TMEM132E: variants seen among roughly 807,000 people sequenced by gnomAD.
TMEM132E encodes transmembrane protein 132E.
A neutral mutation model predicts 78.5 loss-of-function variants in TMEM132E; 49 were observed. The observed-to-expected ratio is 0.62, with a 90% CI of 0.50 to 0.79. The LOEUF (loss-of-function observed/expected upper bound fraction) is 0.79, where lower values mean the gene tolerates loss of function less well. Ranked by LOEUF, TMEM132E falls within the 30% of genes least tolerant of loss-of-function variation. TMEM132E has a pLI of 0.00. For missense variants in TMEM132E, 1,403 were observed against 1,470.9 expected, an observed-to-expected ratio of 0.95 and a Z score of 0.75; for synonymous variants, 715 against 670.6, an observed-to-expected ratio of 1.07 and a Z score of -1.02.
chr17:34,622,727 G>C (rs562074647), intron 1 of TMEM132E, among the ~76,000 whole-genome samples: 14 of 152,200 alleles, frequency 9.2e-5, no homozygotes, highest in Non-Finnish European at 1.6e-4. Flanking sequence ...AATATATTGA[G>C]GGCCTGCCTG....
At chr17:34,583,505 C>T (rs772377855) in intron 1 of TMEM132E, among the ~76,000 whole-genome samples, 1 of 152,242 alleles carries the variant, frequency 6.6e-6, no homozygotes, top group African/African-American at 2.4e-5. Flanking sequence ...CTGACACCCA[C>T]GTAGCCACCC....
At chr17:34,624,497 A>T (rs560846888) in intron 1 of TMEM132E, among the ~76,000 whole-genome samples, 1 of 152,348 alleles carries the variant, frequency 6.6e-6, no homozygotes, top group South Asian at 2.1e-4. Flanking sequence ...CACATCTTGG[A>T]GGGCTTCATG....
intron 1 of TMEM132E, among the ~76,000 whole-genome samples, chr17:34,613,211 A>ACAAGCGCGCGCG: frequency 8.6e-6 from 1 of 115,856 alleles, no homozygotes; most frequent in African/African-American, 2.9e-5. Context: ...ACACACACAC[A>ACAAGCGCGCGCG]CGCGCGCGCG....
At chr17:34,612,287 G>A (rs191020176) in intron 1 of TMEM132E, among the ~76,000 whole-genome samples, 4 of 152,316 alleles carry the variant, frequency 2.6e-5, no homozygotes, top group Admixed American at 1.3e-4. Context: ...GACTCAAAGC[G>A]CAGAAAGGAA....
Position 34,637,813 on chromosome 17 carries a change from GT to G in TMEM132E, c.2807del (p.Val936GlyfsTer168). 6.2e-7 allele frequency: 1 copy of G among 1,612,404 alleles called. No homozygotes were observed. The highest frequency in any genetic ancestry group is 8.5e-7 in the Non-Finnish European group (1 of 1,179,448). ...CAGCATGGACCACTCTCACCACTGG[GT>G]GTTCCTGGGCAACGGGCAGCCGCTG... is the stretch of plus-strand genomic sequence containing the variant. ...QTSMDHSHHW[V>X]FLGNGQPLRV... On this transcript the variant is annotated frameshift_variant, in exon 9 of 9. Coordinates refer to ENST00000631683, the MANE Select transcript of TMEM132E (RefSeq NM_001304438.2). LOFTEE classifies it high-confidence loss of function.
chr17:34,581,558 C>A (rs1196203581), intron 1 of TMEM132E, among the ~76,000 whole-genome samples: 1 of 152,064 alleles, frequency 6.6e-6, no homozygotes, highest in Non-Finnish European at 1.5e-5. Flanking sequence ...TCTTTCCTCG[C>A]CCCGGGCGCG....
chr17:34,595,970 G>A (rs957526903), intron 1 of TMEM132E, among the ~76,000 whole-genome samples: 2 of 152,118 alleles, frequency 1.3e-5, no homozygotes, highest in Non-Finnish European at 2.9e-5. Flanking sequence ...TGCTAAATGT[G>A]TGACTGGTTT....
At chr17:34,588,913 C>G (rs948869355) in intron 1 of TMEM132E, among the ~76,000 whole-genome samples, 2 of 152,152 alleles carry the variant, frequency 1.3e-5, no homozygotes, top group Non-Finnish European at 2.9e-5. Context: ...ACCACCACAC[C>G]TGGCTAATTT....
chr17:34,583,578 G>A (rs1905568780), intron 1 of TMEM132E, among the ~76,000 whole-genome samples: 1 of 152,202 alleles, frequency 6.6e-6, no homozygotes, highest in Non-Finnish European at 1.5e-5. Flanking sequence ...TCTTGGTTGG[G>A]GTTCCGGGGC....
At position 34,625,715 on chromosome 17, in the gene TMEM132E, C is replaced by CCA. The variant is rs757565122; in HGVS notation, c.68-410_68-409dup. Among the ~76,000 whole-genome samples the CCA allele has an allele frequency of 1.8e-4, 28 of 152,296 alleles. No homozygotes were observed. The East Asian group carries it at 2.3e-3, about 13-fold the overall frequency. Reference sequence around the variant, plus strand: ...CAGGGACTCTTTTCAGCACCAGAGTCCACTCAGCCCTCTATGCGCACGACT... The same window carrying CCA: ...CAGGGACTCTTTTCAGCACCAGAGTCCACACTCAGCCCTCTATGCGCACGACT... On this transcript the variant is annotated intron_variant, in intron 1 of 8. Coordinates refer to ENST00000631683, the MANE Select transcript of TMEM132E (RefSeq NM_001304438.2).
chr17:34,610,759 C>A (rs976344346), intron 1 of TMEM132E, among the ~76,000 whole-genome samples: 1 of 152,214 alleles, frequency 6.6e-6, no homozygotes, highest in African/African-American at 2.4e-5. Flanking sequence ...GGAGCATACT[C>A]AAGAGAATCA....
chr17:34,619,836 C>G (rs1416260472), intron 1 of TMEM132E, among the ~76,000 whole-genome samples: 1 of 152,238 alleles, frequency 6.6e-6, no homozygotes, highest in East Asian at 1.9e-4. Flanking sequence ...GGAGCAAGTG[C>G]TAACAGATCC....
intron 1 of TMEM132E, among the ~76,000 whole-genome samples, chr17:34,603,701 C>T (rs762811659): frequency 2.0e-4 from 30 of 152,154 alleles, no homozygotes; most frequent in Non-Finnish European, 3.8e-4. Flanking sequence ...TGTTCCTGTC[C>T]TCCCCTCCCT....
At chr17:34,610,724 A>G (rs1906562368) in intron 1 of TMEM132E, among the ~76,000 whole-genome samples, 4 of 152,238 alleles carry the variant, frequency 2.6e-5, no homozygotes, top group Admixed American at 2.6e-4. Flanking sequence ...CAAAGGGAAA[A>G]GTACACACTC....
chr17:34,611,449 G>A (rs1906590789), intron 1 of TMEM132E, among the ~76,000 whole-genome samples: 1 of 152,216 alleles, frequency 6.6e-6, no homozygotes, highest in Non-Finnish European at 1.5e-5. Flanking sequence ...TGAGTGGTTT[G>A]AACTACAGTC....
At chr17:34,581,399 G>A (rs1905477286) in intron 1 of TMEM132E, among the ~76,000 whole-genome samples, 1 of 151,942 alleles carries the variant, frequency 6.6e-6, no homozygotes, top group Admixed American at 6.5e-5. Flanking sequence ...ATAAAGAAGG[G>A]TTCGAACCCG....
chr17:34,605,467 G>T (rs555597433), intron 1 of TMEM132E, among the ~76,000 whole-genome samples: 1 of 152,178 alleles, frequency 6.6e-6, no homozygotes, highest in Non-Finnish European at 1.5e-5. Context: ...AGTACCCCCA[G>T]CATCACAGCA....
intron 1 of TMEM132E, among the ~76,000 whole-genome samples, chr17:34,616,109 A>G (rs1192713759): frequency 6.6e-6 from 1 of 152,112 alleles, no homozygotes; most frequent in Non-Finnish European, 1.5e-5. Context: ...TGTAAGGTGT[A>G]CGGGAGGGAC....
At chr17:34,634,737 T>G in intron 6 of TMEM132E, 62 bp from the exon 7 acceptor site, 1 of 1,528,098 alleles carries the variant, frequency 6.5e-7, no homozygotes, top group Non-Finnish European at 8.8e-7. Context: ...GGGTGCGGGG[T>G]GTGTACTGTG....
Sources: gnomAD v4.1 joint callset for allele counts (sites outside exome capture counted in the v4.1 genomes callset) on GRCh38, gnomAD v4.1.1 for gene constraint, MANE v1.5 for transcripts, NCBI Gene and HGNC (gene_info 2026-07-23, HGNC 2026-07-21) for gene names.